CLNK: variants seen among roughly 807,000 people sequenced by gnomAD.
CLNK encodes cytokine dependent hematopoietic cell linker, also known as cytokine-dependent hematopoietic cell linker.
CLNK carries 74 observed loss-of-function variants against 68.6 expected under a neutral mutation model. The observed-to-expected ratio is 1.08, with a 90% CI of 0.89 to 1.31. The LOEUF is 1.31. Ranked by LOEUF, CLNK falls within the 50% of genes most tolerant of loss-of-function variation. CLNK has a pLI of 0.00. For synonymous variants in CLNK, 198 were observed against 172.2 expected (o/e 1.15, Z -1.17); for missense variants, 553 against 515.3 (o/e 1.07, Z -0.71).
chr4:10,583,232 A>G (rs77589236), intron 4 of CLNK, among the ~76,000 whole-genome samples: 7 of 152,286 alleles, frequency 4.6e-5, no homozygotes, highest in African/African-American at 1.7e-4. Flanking sequence ...AGGCTGATTC[A>G]TAAGTATGCA....
chr4:10,506,389 G>T (rs556283562), intron 17 of CLNK, among the ~76,000 whole-genome samples: 1 of 152,248 alleles, frequency 6.6e-6, no homozygotes, highest in South Asian at 2.1e-4. Context: ...GGCAGCCTGG[G>T]TTTATCCACC....
rs116413625 is a variant in CLNK at position 10,655,594 on chromosome 4, G to A, written c.11+12265C>T. Among the ~76,000 whole-genome samples the A allele has an allele frequency of 4.2e-3, 630 of 150,516 alleles. 5 individuals are homozygous for A. Among genetic ancestry groups the A allele is most frequent in the African/African-American group, 0.014 (569 of 40,868 alleles). ...ATCTACCTAATAAAACTTGGTTTAC[G>A]ACAGAGCTGGCATTGCAGATGAGTG... On this transcript the variant is annotated intron_variant, in intron 2 of 18. Coordinates refer to ENST00000226951, the MANE Select transcript of CLNK (RefSeq NM_052964.4).
At chr4:10,665,638 T>C (rs1338635552) in intron 2 of CLNK, among the ~76,000 whole-genome samples, 1 of 128,192 alleles carries the variant, frequency 7.8e-6, no homozygotes, top group Admixed American at 1.0e-4. Flanking sequence ...CACTACAGCC[T>C]GGTGACAGAG....
chr4:10,547,269 C>A (rs528119201), intron 8 of CLNK, among the ~76,000 whole-genome samples: 1 of 152,138 alleles, frequency 6.6e-6, no homozygotes, highest in Non-Finnish European at 1.5e-5. Context: ...GGCGCAAAAA[C>A]TTTGCCTTAA....
chr4:10,558,587 T>C, intron 7 of CLNK, 135 bp from the exon 8 acceptor site: 1 of 772,262 alleles, frequency 1.3e-6, no homozygotes, highest in Non-Finnish European at 2.2e-6. Context: ...CAATGTATGG[T>C]TGGCTGTCAA....
chr4:10,539,332 T>A (rs902476890), intron 11 of CLNK, among the ~76,000 whole-genome samples: 1 of 152,166 alleles, frequency 6.6e-6, no homozygotes, highest in African/African-American at 2.4e-5. Flanking sequence ...GAAGGAGGAA[T>A]GACATTTTAG....
the CLNK span, among the ~76,000 whole-genome samples, chr4:10,717,850 T>C: frequency 6.6e-6 from 1 of 152,126 alleles, no homozygotes; most frequent in Non-Finnish European, 1.5e-5. Context: ...AAATTTCAGT[T>C]GGTGAGAAAA....
At chr4:10,513,987 T>C (rs2109039482) in intron 15 of CLNK, among the ~76,000 whole-genome samples, 1 of 136,198 alleles carries the variant, frequency 7.3e-6, no homozygotes, top group African/African-American at 2.7e-5. Context: ...TAGGTATATC[T>C]CCCAATGCTA....
In CLNK at chr4:10,551,431, A is replaced by T. The variant is rs36113220; in HGVS notation, c.445+6976T>A. On this transcript the variant is annotated intron_variant, in intron 8 of 18. Coordinates refer to ENST00000226951, the MANE Select transcript of CLNK (RefSeq NM_052964.4). ...GGCTAATTTTTTTGTATATATATAT[A>T]TTTTTTTTTAGTAGAGTTGGGGTTT... Among the ~76,000 whole-genome samples, 66 of 149,274 alleles carry T rather than the reference A, an allele frequency of 4.4e-4. 1 individual carries two copies. The highest frequency in any genetic ancestry group is 1.1e-3 in the Admixed American group (17 of 15,052).
intron 14 of CLNK, among the ~76,000 whole-genome samples, chr4:10,521,751 T>C (rs534581532): frequency 6.6e-6 from 1 of 152,326 alleles, no homozygotes; most frequent in East Asian, 1.9e-4. Flanking sequence ...AATTCAAGAT[T>C]TGACTCCGTT....
rs1717042490 is a variant in CLNK, at chr4:10,501,369, C to T, written c.1027G>A (p.Glu343Lys). ...AACACAGCCAAAACATAGGGCTCTT[C>T]CTTGGATTTTGTGGAACAATCTCGG... ...LVRDCSTKSK[E>K]EPYVLAVFYE... is the part of the protein sequence containing the mutation. The change falls in exon 18 of 19, where the codon GAA (glutamate) becomes AAA (lysine). Residue 343 changes from glutamate (E) to lysine (K), a missense_variant. Glu to Lys is a moderately conservative substitution (Grantham distance 56, BLOSUM62 1). Coordinates refer to ENST00000226951, the MANE Select transcript of CLNK (RefSeq NM_052964.4). 1.2e-6 allele frequency: 2 copies of T among 1,609,764 alleles called. No homozygotes were observed. Among genetic ancestry groups the T allele is most frequent in the African/African-American group, 2.7e-5 (2 of 74,598 alleles).
At chr4:10,530,439 T>C (rs1350905436) in intron 12 of CLNK, among the ~76,000 whole-genome samples, 1 of 152,188 alleles carries the variant, frequency 6.6e-6, no homozygotes, top group Non-Finnish European at 1.5e-5. Flanking sequence ...TATGAAGAAA[T>C]GGTCTTGAAT....
the CLNK span, among the ~76,000 whole-genome samples, chr4:10,705,620 C>T: frequency 1.5e-4 from 23 of 152,332 alleles, no homozygotes; most frequent in South Asian, 4.8e-3. Context: ...CTCTCACCCC[C>T]TCTTCTGCTT....
chr4:10,671,547 G>C (rs1724641417), intron 1 of CLNK, among the ~76,000 whole-genome samples: 1 of 152,174 alleles, frequency 6.6e-6, no homozygotes, highest in Non-Finnish European at 1.5e-5. Context: ...ACCATACTCT[G>C]ATCTAATCTT....
chr4:10,676,739 A>G (rs894509944), intron 1 of CLNK, among the ~76,000 whole-genome samples: 1 of 151,766 alleles, frequency 6.6e-6, no homozygotes, highest in East Asian at 1.9e-4. Context: ...TGGTGAATAG[A>G]CTTTTTATCC....
intron 2 of CLNK, among the ~76,000 whole-genome samples, chr4:10,627,715 G>A (rs1722730171): frequency 6.6e-6 from 1 of 152,042 alleles, no homozygotes; most frequent in South Asian, 2.1e-4. Context: ...TTTTTGGGAG[G>A]ATTGCCTTTG....
At chr4:10,601,637 C>T (rs1721593668) in intron 2 of CLNK, among the ~76,000 whole-genome samples, 3 of 152,042 alleles carry the variant, frequency 2.0e-5, no homozygotes, top group Admixed American at 6.5e-5. Context: ...GAGATCTGAC[C>T]TCGAAAGGAG....
At chr4:10,555,934 A>AC (rs1719658389) in intron 8 of CLNK, among the ~76,000 whole-genome samples, 2 of 152,224 alleles carry the variant, frequency 1.3e-5, no homozygotes, top group African/African-American at 4.8e-5. Flanking sequence ...GGAACCATCA[A>AC]TTATGGAAAT....
At chr4:10,703,841 A>G in the CLNK span, among the ~76,000 whole-genome samples, 1 of 152,204 alleles carries the variant, frequency 6.6e-6, no homozygotes, top group East Asian at 1.9e-4. Flanking sequence ...CAGAAAAGGT[A>G]CAGTAATAAT....
Sources: allele counts gnomAD v4.1 joint callset (sites outside exome capture counted in the v4.1 genomes callset), GRCh38; gene constraint gnomAD v4.1.1; transcripts MANE v1.5; gene names NCBI Gene and HGNC (gene_info 2026-07-23, HGNC 2026-07-21).